NDST3: variants seen among roughly 807,000 people sequenced by gnomAD.
NDST3 encodes bifunctional heparan sulfate N-deacetylase/N-sulfotransferase 3.
Under a neutral mutation model 96.1 loss-of-function variants are expected in NDST3, and 58 were observed. The observed-to-expected ratio is 0.60, with a 90% CI of 0.49 to 0.75. The LOEUF is 0.75. Among genes scored for constraint, NDST3 ranks in the 30% least tolerant of loss-of-function variants. The pLI, the probability that NDST3 is intolerant of heterozygous loss-of-function variation, is 0.00. For missense variants in NDST3, 788 were observed against 1,034.2 expected (o/e 0.76, Z 3.27); for synonymous variants, 333 against 359.7 (o/e 0.93, Z 0.84).
At chr4:118,199,284 T>C (rs1357172703) in intron 6 of NDST3, among the ~76,000 whole-genome samples, 8 of 152,246 alleles carry the variant, frequency 5.3e-5, no homozygotes, top group Non-Finnish European at 1.2e-4. Context: ...TATTTTCAAA[T>C]AGCCTGTTTT....
chr4:118,065,333 A>C (rs904256214), intron 2 of NDST3, among the ~76,000 whole-genome samples: 4 of 152,150 alleles, frequency 2.6e-5, no homozygotes, highest in Non-Finnish European at 5.9e-5. Context: ...CTCTGAGTCA[A>C]CAGTAGTTAA....
chr4:118,089,597 A>C (rs1728707345), intron 2 of NDST3, among the ~76,000 whole-genome samples: 1 of 151,976 alleles, frequency 6.6e-6, no homozygotes, highest in Admixed American at 6.6e-5. Flanking sequence ...ACATAAACAA[A>C]TGTGATCTCA....
chr4:118,094,920 AG>A (rs1383450277), intron 2 of NDST3, among the ~76,000 whole-genome samples: 1 of 151,928 alleles, frequency 6.6e-6, no homozygotes, highest in Non-Finnish European at 1.5e-5. Flanking sequence ...TTTATTTAAA[AG>A]AGGGTGGTCA....
chr4:118,093,409 G>T (rs1729040139), intron 2 of NDST3, among the ~76,000 whole-genome samples: 1 of 151,872 alleles, frequency 6.6e-6, no homozygotes, highest in South Asian at 2.1e-4. Flanking sequence ...ATTAGTTGAT[G>T]TATTAATTCT....
intron 6 of NDST3, among the ~76,000 whole-genome samples, chr4:118,218,053 A>G (rs1475289587): frequency 6.6e-6 from 1 of 152,164 alleles, no homozygotes; most frequent in Non-Finnish European, 1.5e-5. Context: ...GCAGTAATTA[A>G]TAGCCTACCA....
chr4:118,212,618 A>G (rs1378573686), intron 6 of NDST3, among the ~76,000 whole-genome samples: 2 of 152,242 alleles, frequency 1.3e-5, no homozygotes, highest in African/African-American at 4.8e-5. Flanking sequence ...CATAGCATCA[A>G]GAGTATGCTA....
At chr4:118,062,868 G>T (rs1048895055) in intron 2 of NDST3, among the ~76,000 whole-genome samples, 1 of 152,046 alleles carries the variant, frequency 6.6e-6, no homozygotes, top group African/African-American at 2.4e-5. Flanking sequence ...ATGTAAACAG[G>T]ATACTTGGTG....
intron 6 of NDST3, among the ~76,000 whole-genome samples, chr4:118,145,942 C>A (rs1733908256): frequency 6.6e-6 from 1 of 152,152 alleles, no homozygotes; most frequent in Non-Finnish European, 1.5e-5. Flanking sequence ...TTAAGAAGCC[C>A]ACATCTGGAT....
intron 2 of NDST3, among the ~76,000 whole-genome samples, chr4:118,068,166 C>CTTTTTTTT (rs34891564): frequency 4.7e-5 from 4 of 84,310 alleles, no homozygotes; most frequent in Non-Finnish European, 6.5e-5. Flanking sequence ...TACTTGATCT[C>CTTTTTTTT]TTTTTTTTTT....
intron 2 of NDST3, among the ~76,000 whole-genome samples, chr4:118,086,345 T>A (rs1260053135): frequency 6.6e-6 from 1 of 152,232 alleles, no homozygotes; most frequent in African/African-American, 2.4e-5. Context: ...TTTCAAAGTT[T>A]GTCTTTCATT....
intron 1 of NDST3, among the ~76,000 whole-genome samples, chr4:118,038,132 C>G (rs1213831695): frequency 6.6e-6 from 1 of 152,132 alleles, no homozygotes; most frequent in Non-Finnish European, 1.5e-5. Context: ...GGATTAGACC[C>G]TAAAAGCTGC....
At chr4:118,042,271 A>G (rs138364156) in intron 1 of NDST3, among the ~76,000 whole-genome samples, 11 of 152,224 alleles carry the variant, frequency 7.2e-5, no homozygotes, top group African/African-American at 2.6e-4. Flanking sequence ...TCCCCCAACC[A>G]TAATTTAACA....
At chr4:118,131,057 G>T (rs1395316637) in intron 4 of NDST3, among the ~76,000 whole-genome samples, 1 of 152,112 alleles carries the variant, frequency 6.6e-6, no homozygotes, top group Non-Finnish European at 1.5e-5. Context: ...AGTCTTCTTT[G>T]AGTTAATCTG....
intron 3 of NDST3, among the ~76,000 whole-genome samples, chr4:118,106,022 C>A (rs1730155181): frequency 6.6e-6 from 1 of 152,098 alleles, no homozygotes. Flanking sequence ...GTAGAGATAT[C>A]ATATTAGGGT....
At chr4:118,248,915 C>CA (rs1357889688) in intron 12 of NDST3, among the ~76,000 whole-genome samples, 1 of 152,178 alleles carries the variant, frequency 6.6e-6, no homozygotes, top group Non-Finnish European at 1.5e-5. Flanking sequence ...CCCAGTCCCT[C>CA]AGGCCATTGG....
chr4:118,233,261 T>G, intron 9 of NDST3, 126 bp downstream of exon 9: 1 of 819,230 alleles, frequency 1.2e-6, no homozygotes. Context: ...GCCTTGGAAA[T>G]TGATTGAATA....
Position 118,053,816 on chromosome 4 carries a change from T to C in NDST3, c.-95T>C. On this transcript the variant is annotated 5_prime_UTR_variant, in exon 2 of 14. Coordinates refer to ENST00000296499, the MANE Select transcript of NDST3 (RefSeq NM_004784.3). ...AATGAGCTGCAATGGTGACATAAAC[T>C]CTTGACAGAGATTGGAAAAGTAGCT... 3 of 1,379,824 alleles carry C rather than the reference T, an allele frequency of 2.2e-6. No homozygotes were observed. Among genetic ancestry groups the C allele is most frequent in the Non-Finnish European group, 2.9e-6 (3 of 1,021,218 alleles). 85.5% of individuals were successfully genotyped at this position (1,379,824 alleles called of 1,614,324 possible).
In NDST3 at chr4:118,231,678, G is replaced by T. The variant is rs1052793075; in HGVS notation, c.1820-1334G>T. On this transcript the variant is annotated intron_variant, in intron 8 of 13. Transcript: ENST00000296499. ...TATAATTATCAAGTCCTGCTCCACA[G>T]ATTGTATAACAGTGTAAATAATAGT... is the stretch of plus-strand genomic sequence containing the variant. 3.3e-5 allele frequency among the ~76,000 whole-genome samples: 5 copies of T among 152,112 alleles called. No individual in the cohort carries two copies. In the East Asian group the frequency reaches 9.6e-4, roughly 29 times the overall value.
intron 6 of NDST3, among the ~76,000 whole-genome samples, chr4:118,183,413 C>T (rs1424477140): frequency 6.6e-6 from 1 of 152,132 alleles, no homozygotes; most frequent in African/African-American, 2.4e-5. Flanking sequence ...TTCAAAGCTC[C>T]ACCAGTCTAA....
Sources: allele counts gnomAD v4.1 joint callset (sites outside exome capture counted in the v4.1 genomes callset), GRCh38; gene constraint gnomAD v4.1.1; transcripts MANE v1.5; gene names NCBI Gene and HGNC (gene_info 2026-07-23, HGNC 2026-07-21).